Variants in TEX11 observed in about 807,000 individuals in gnomAD.
The protein encoded by TEX11 is testis expressed 11, also known as testis-expressed protein 11.
A neutral mutation model predicts 84.4 loss-of-function variants in TEX11; 7 were observed. That is an observed-to-expected ratio of 0.08 (90% CI 0.05 to 0.16). The LOEUF (loss-of-function observed/expected upper bound fraction) is 0.16. Among genes scored for constraint, TEX11 ranks in the 10% least tolerant of loss-of-function variants. The pLI, the probability that TEX11 is intolerant of heterozygous loss-of-function variation, is 1.00. For synonymous variants in TEX11, 264 were observed against 222.8 expected (o/e 1.18, Z -1.64); for missense variants, 551 against 660.5 (o/e 0.83, Z 1.82).
At chrX:70,529,735 T>A (rs2087859479) in intron 29 of TEX11, 100 bp downstream of exon 29, 1 of 873,065 alleles carries the variant, frequency 1.1e-6, no homozygotes, top group African/African-American at 2.0e-5. Context: ...CAAGATCCTT[T>A]CCTAGCCAAG....
At chrX:70,838,562 G>A (rs892844215) in intron 7 of TEX11, among the ~76,000 whole-genome samples, 23 of 112,621 alleles carry the variant, frequency 2.0e-4, no homozygotes, top group Admixed American at 1.4e-3. Context: ...TGTGAGCGAC[G>A]CAGAAGATGG....
At chrX:70,731,324 A>C (rs1414601528) in intron 11 of TEX11, among the ~76,000 whole-genome samples, 5 of 111,757 alleles carry the variant, frequency 4.5e-5, no homozygotes, top group African/African-American at 6.5e-5. Context: ...TGAAGGAAAT[A>C]GAGACACAAA....
intron 10 of TEX11, among the ~76,000 whole-genome samples, chrX:70,742,137 C>T (rs2090737398): frequency 9.0e-6 from 1 of 110,639 alleles, no homozygotes; most frequent in Admixed American, 9.8e-5. Context: ...GACCCTGTTT[C>T]AAATAGGGGT....
intron 2 of TEX11, among the ~76,000 whole-genome samples, chrX:70,883,233 C>T (rs1174841431): frequency 9.0e-6 from 1 of 111,731 alleles, no homozygotes; most frequent in African/African-American, 3.2e-5. Context: ...ATCCTCCCAT[C>T]CAAGTAGCTG....
Position 70,737,100 on chromosome X carries a change from G to A in TEX11, c.843+3601C>T, listed in dbSNP as rs745445052. ...ATTATCAAAGAAAGACATTAAAAGA[G>A]TAAGTATAACTGTATTTCGTATGCT... On this transcript the variant is annotated intron_variant, in intron 11 of 29. Transcript: ENST00000374333. Among the ~76,000 whole-genome samples the A allele has an allele frequency of 1.5e-3, 172 of 111,469 alleles. 1 individual carries two copies. Among genetic ancestry groups the A allele is most frequent in the African/African-American group, 5.3e-3 (162 of 30,825 alleles).
chrX:70,870,401 T>C (rs2091623838), intron 4 of TEX11, among the ~76,000 whole-genome samples: 1 of 111,264 alleles, frequency 9.0e-6, no homozygotes, highest in Non-Finnish European at 1.9e-5. Context: ...AGTGGCGCAA[T>C]CTCGGCTCGC....
rs930388833 is a variant in TEX11, at chrX:70,724,498, A to C, written c.925+764T>G. On this transcript the variant is annotated intron_variant, in intron 12 of 29. Transcript: ENST00000374333. ...CTAACATATAATTTTGTATAGTACAAATAATGCAGCTCTTAAAGATTACTG... is the reference window on the plus strand; with the variant it reads ...CTAACATATAATTTTGTATAGTACACATAATGCAGCTCTTAAAGATTACTG... 9.1e-4 allele frequency among the ~76,000 whole-genome samples: 102 copies of C among 111,880 alleles called. 3 individuals carry two copies. The highest frequency in any genetic ancestry group is 1.3e-4 in the Non-Finnish European group (7 of 53,109).
chrX:70,516,914 T>C, the TEX11 span, among the ~76,000 whole-genome samples: 2 of 111,272 alleles, frequency 1.8e-5, no homozygotes. Flanking sequence ...ACGATTTGGC[T>C]CTCTGTTTGT....
At chrX:70,534,666 G>A (rs1490857226) in intron 28 of TEX11, among the ~76,000 whole-genome samples, 2 of 111,543 alleles carry the variant, frequency 1.8e-5, no homozygotes, top group African/African-American at 6.5e-5. Flanking sequence ...TGGCAGCCAC[G>A]TAGATCTCTA....
chrX:70,552,359 G>T, intron 27 of TEX11, 113 bp from the exon 28 acceptor site: 1 of 942,284 alleles, frequency 1.1e-6, no homozygotes, highest in Non-Finnish European at 1.4e-6. Flanking sequence ...AAACACTTCT[G>T]TTCTTCCCTC....
At chrX:70,732,415 C>T (rs2090660563) in intron 11 of TEX11, among the ~76,000 whole-genome samples, 1 of 111,391 alleles carries the variant, frequency 9.0e-6, no homozygotes, top group South Asian at 3.8e-4. Flanking sequence ...TCGTCTCAGC[C>T]CAAAATCTCC....
chrX:70,607,627 T>C (rs1044446825), intron 22 of TEX11, among the ~76,000 whole-genome samples: 2 of 110,030 alleles, frequency 1.8e-5, no homozygotes, highest in Non-Finnish European at 3.8e-5. Flanking sequence ...AAAATGAAGA[T>C]CAACATGGAT....
intron 13 of TEX11, among the ~76,000 whole-genome samples, chrX:70,688,871 G>A (rs990816393): frequency 2.1e-5 from 2 of 96,590 alleles, no homozygotes; most frequent in African/African-American, 7.6e-5. Context: ...ACTGTGACAA[G>A]AGACTCTAAC....
At chrX:70,587,834 G>A (rs2088874839) in intron 25 of TEX11, among the ~76,000 whole-genome samples, 1 of 112,508 alleles carries the variant, frequency 8.9e-6, no homozygotes, top group Non-Finnish European at 1.9e-5. Flanking sequence ...CCAAGAGGGA[G>A]GCTGTACCCT....
chrX:70,715,497 T>G (rs1017486137), intron 13 of TEX11, among the ~76,000 whole-genome samples: 12 of 111,868 alleles, frequency 1.1e-4, no homozygotes, highest in African/African-American at 3.9e-4. Context: ...TTTCTTTGTA[T>G]TCTTTTTTCT....
chrX:70,644,434 A>AGGACTATAAATCATG (rs1216900281), intron 17 of TEX11, among the ~76,000 whole-genome samples: 1 of 105,405 alleles, frequency 9.5e-6, no homozygotes, highest in East Asian at 3.1e-4. Context: ...ATATACCCAA[A>AGGACTATAAATCATG]GGACTATAAA....
At chrX:70,714,480 A>G (rs1307302624) in intron 13 of TEX11, among the ~76,000 whole-genome samples, 1 of 111,394 alleles carries the variant, frequency 9.0e-6, no homozygotes, top group Non-Finnish European at 1.9e-5. Context: ...GTGCTCCTGT[A>G]TTGGGTGCAT....
chrX:70,830,984 GTATCTTTAAGAGA>G (rs2091374038), intron 8 of TEX11, among the ~76,000 whole-genome samples: 1 of 111,797 alleles, frequency 8.9e-6, no homozygotes, highest in Admixed American at 9.6e-5. Context: ...AATAAAATAA[GTATCTTTAAGAGA>G]TATCTGCAAT....
intron 9 of TEX11, among the ~76,000 whole-genome samples, chrX:70,788,973 T>TATAGAG (rs1211700739): frequency 7.3e-4 from 7 of 9,558 alleles, no homozygotes; most frequent in East Asian, 3.9e-3. Flanking sequence ...TATATATATA[T>TATAGAG]AGAGAGAGAG....
Sources: gnomAD v4.1 joint callset for allele counts (sites outside exome capture counted in the v4.1 genomes callset) on GRCh38, gnomAD v4.1.1 for gene constraint, MANE v1.5 for transcripts, NCBI Gene and HGNC (gene_info 2026-07-23, HGNC 2026-07-21) for gene names.